TMEM117: variants seen among roughly 807,000 people sequenced by gnomAD.
TMEM117 encodes the protein transmembrane protein 117.
In TMEM117, 27 loss-of-function variants were observed where a neutral mutation model predicts 52.4. The observed-to-expected ratio is 0.51, with a 90% CI of 0.38 to 0.71. TMEM117 has a LOEUF of 0.71. TMEM117 is among the 30% of genes least tolerant of loss of function. The pLI is 0.00. For synonymous variants in TMEM117, 215 were observed against 206.3 expected (o/e 1.04, Z -0.36); for missense variants, 556 against 630.5 (o/e 0.88, Z 1.26).
At chr12:43,813,231 G>GTTTTTTTTTTTTTTTTTTTTTTT in the TMEM117 span, among the ~76,000 whole-genome samples, 11 of 62,666 alleles carry the variant, frequency 1.8e-4, 2 homozygotes, top group Non-Finnish European at 1.9e-4. Context: ...GTTTTCTCTT[G>GTTTTTTTTTTTTTTTTTTTTTTT]TTTTTTTTTT....
chr12:43,912,460 C>G (rs982716988), intron 2 of TMEM117, among the ~76,000 whole-genome samples: 1 of 147,990 alleles, frequency 6.8e-6, no homozygotes, highest in Admixed American at 6.7e-5. Flanking sequence ...AACTAACCTG[C>G]GCGTTGTGCA....
chr12:43,807,201 G>C, the TMEM117 span, among the ~76,000 whole-genome samples: 7 of 151,672 alleles, frequency 4.6e-5, no homozygotes, highest in African/African-American at 1.7e-4. Flanking sequence ...GCCTTGAAGT[G>C]ACACATACAC....
chr12:43,960,022 G>A (rs1317400510), intron 3 of TMEM117, among the ~76,000 whole-genome samples: 1 of 152,194 alleles, frequency 6.6e-6, no homozygotes, highest in Admixed American at 6.5e-5. Context: ...AGAACTCCTT[G>A]ATTCAATAGC....
intron 3 of TMEM117, among the ~76,000 whole-genome samples, chr12:44,031,307 C>T (rs537379476): frequency 6.6e-6 from 1 of 152,018 alleles, no homozygotes; most frequent in Non-Finnish European, 1.5e-5. Flanking sequence ...ACAGAGGTAA[C>T]CAAAATTTGT....
At chr12:44,099,487 A>G (rs1565827053) in intron 3 of TMEM117, among the ~76,000 whole-genome samples, 1 of 152,118 alleles carries the variant, frequency 6.6e-6, no homozygotes, top group South Asian at 2.1e-4. Flanking sequence ...ACATTTTTTA[A>G]AAATAGTGAT....
At chr12:44,386,569 A>G (rs929291674) in intron 7 of TMEM117, among the ~76,000 whole-genome samples, 2 of 152,156 alleles carry the variant, frequency 1.3e-5, no homozygotes, top group African/African-American at 4.8e-5. Context: ...TGCAAATAAA[A>G]AAATTATCAT....
intron 3 of TMEM117, among the ~76,000 whole-genome samples, chr12:44,051,788 AT>A (rs890448930): frequency 2.6e-5 from 4 of 152,210 alleles, no homozygotes; most frequent in African/African-American, 9.6e-5. Flanking sequence ...TACCCCACTC[AT>A]TATTCAAAGT....
chr12:44,015,006 C>T (rs1331153439), intron 3 of TMEM117, among the ~76,000 whole-genome samples: 1 of 151,840 alleles, frequency 6.6e-6, no homozygotes, highest in Non-Finnish European at 1.5e-5. Context: ...TGAGAGGCAC[C>T]TGAAAAACCT....
chr12:43,849,128 A>G (rs1165118623), intron 2 of TMEM117, among the ~76,000 whole-genome samples: 1 of 152,248 alleles, frequency 6.6e-6, no homozygotes, highest in Non-Finnish European at 1.5e-5. Context: ...TCCACCAAAC[A>G]TTAAACAAGC....
At chr12:44,217,473 T>G (rs538701001) in intron 5 of TMEM117, among the ~76,000 whole-genome samples, 24 of 152,326 alleles carry the variant, frequency 1.6e-4, no homozygotes, top group Admixed American at 6.5e-5. Context: ...AATATCTTTT[T>G]TCTTCATTTC....
intron 6 of TMEM117, among the ~76,000 whole-genome samples, chr12:44,304,767 C>T (rs1297645076): frequency 6.6e-6 from 1 of 152,170 alleles, no homozygotes; most frequent in Non-Finnish European, 1.5e-5. Context: ...GATTAATCAC[C>T]CATTGTCTAA....
At chr12:44,295,200 G>GTATT (rs1209379533) in intron 5 of TMEM117, among the ~76,000 whole-genome samples, 20 of 151,462 alleles carry the variant, frequency 1.3e-4, no homozygotes, top group East Asian at 5.8e-4. Flanking sequence ...TATATATATT[G>GTATT]TATTTATTTA....
At chr12:44,030,662 T>A (rs1946619234) in intron 3 of TMEM117, among the ~76,000 whole-genome samples, 1 of 152,250 alleles carries the variant, frequency 6.6e-6, no homozygotes, top group Admixed American at 6.5e-5. Flanking sequence ...ATATGCCTAG[T>A]GTTCCATTAT....
intron 6 of TMEM117, among the ~76,000 whole-genome samples, chr12:44,328,871 G>C (rs1951230977): frequency 6.6e-6 from 1 of 151,964 alleles, no homozygotes; most frequent in Non-Finnish European, 1.5e-5. Flanking sequence ...CCTGGAATCA[G>C]GATGAGGTGC....
At chr12:44,043,327 C>T (rs906041339) in intron 3 of TMEM117, among the ~76,000 whole-genome samples, 15 of 152,246 alleles carry the variant, frequency 9.9e-5, no homozygotes, top group African/African-American at 3.6e-4. Flanking sequence ...AGTGGCTGAC[C>T]TGCAACGAAA....
intron 4 of TMEM117, among the ~76,000 whole-genome samples, chr12:44,152,940 A>T (rs572278126): frequency 6.7e-6 from 1 of 150,028 alleles, no homozygotes; most frequent in South Asian, 2.1e-4. Context: ...ATATATACTT[A>T]AGAATAGTGC....
intron 5 of TMEM117, among the ~76,000 whole-genome samples, chr12:44,230,568 C>G (rs1370104436): frequency 6.6e-6 from 1 of 152,052 alleles, no homozygotes; most frequent in Non-Finnish European, 1.5e-5. Flanking sequence ...ATCATCCTGC[C>G]TACATCCTTT....
At chr12:44,055,664 G>T (rs1947042975) in intron 3 of TMEM117, among the ~76,000 whole-genome samples, 1 of 151,954 alleles carries the variant, frequency 6.6e-6, no homozygotes, top group African/African-American at 2.4e-5. Flanking sequence ...TTCTTATAGG[G>T]TTAAAATCAA....
intron 3 of TMEM117, among the ~76,000 whole-genome samples, chr12:44,036,361 A>G (rs1209757080): frequency 6.6e-6 from 1 of 151,650 alleles, no homozygotes; most frequent in Non-Finnish European, 1.5e-5. Context: ...ATCTTCTCCC[A>G]CTCCCCTACT....
Sources: gnomAD v4.1 joint callset for allele counts (sites outside exome capture counted in the v4.1 genomes callset) on GRCh38, gnomAD v4.1.1 for gene constraint, MANE v1.5 for transcripts, NCBI Gene and HGNC (gene_info 2026-07-23, HGNC 2026-07-21) for gene names.